Variants in GLYAT observed in about 807,000 individuals in gnomAD.
GLYAT encodes glycine-N-acyltransferase.
Under a neutral mutation model 22.8 loss-of-function variants are expected in GLYAT, and 25 were observed. The ratio of observed to expected loss-of-function variants is 1.09; its 90% CI spans 0.80 to 1.53. GLYAT has a LOEUF of 1.53. Ranked by LOEUF, GLYAT falls within the 40% of genes most tolerant of loss-of-function variation. The pLI is 0.00. For missense variants in GLYAT, 411 were observed against 353.9 expected (o/e 1.16, Z -1.29); for synonymous variants, 140 against 122.7 (o/e 1.14, Z -0.93).
At chr11:58,723,401 T>A (rs1856776454) in intron 2 of GLYAT, among the ~76,000 whole-genome samples, 1 of 152,208 alleles carries the variant, frequency 6.6e-6, no homozygotes, top group South Asian at 2.1e-4. Context: ...TATACTGTGT[T>A]GTTAATAAAT....
chr11:58,721,445 A>G (rs1409779909), intron 2 of GLYAT, among the ~76,000 whole-genome samples: 1 of 151,992 alleles, frequency 6.6e-6, no homozygotes, highest in African/African-American at 2.4e-5. Context: ...TCAGGTGAAA[A>G]CAGAATTCAG....
rs755407444 is a variant in GLYAT at position 58,710,129 on chromosome 11, G to T, written c.528C>A (p.Thr176=). Residue 176 remains threonine (T), a synonymous_variant, in exon 6 of 6, where the codon ACC becomes ACA. Transcript: ENST00000344743. ...EMFKLSSMDV[T]HAHLVNKFWH... is the part of the protein sequence containing the mutation. The stretch of plus-strand genomic sequence containing the variant: ...AGAATTTATTCACCAAGTGAGCATG[G>T]GTAACATCCATGGATGAGAGTTTAA... 5 of 1,614,004 alleles carry T rather than the reference G, an allele frequency of 3.1e-6. No individual in the cohort carries two copies. In the Admixed American group the frequency reaches 8.3e-5, roughly 27 times the overall value.
chr11:58,726,885 T>C (rs557807003), intron 1 of GLYAT, among the ~76,000 whole-genome samples: 11 of 152,176 alleles, frequency 7.2e-5, no homozygotes, highest in African/African-American at 2.4e-4. Flanking sequence ...GAGAGCAATG[T>C]TTATTTGCCC....
At position 58,709,907 on chromosome 11, in the gene GLYAT, G is replaced by A. The variant is rs146653564; in HGVS notation, c.750C>T (p.His250=). The A allele has an allele frequency of 2.1e-4, 345 of 1,614,086 alleles. No homozygotes were observed. Among genetic ancestry groups the A allele is most frequent in the African/African-American group, 1.1e-3 (81 of 75,058 alleles). ...ACCCAAGTTTGCCCAATTTCTGGGC[G>A]TGGGAATAGATGACATACGTCACAA... The part of the protein sequence containing the change: ...HGLVTYVIYS[H]AQKLGKLGFP... The change falls in exon 6 of 6, where the codon CAC becomes CAT. Residue 250 remains histidine, a synonymous_variant. Transcript: ENST00000344743.
rs768245595 is a variant in GLYAT, at chr11:58,710,540, A to G, written c.488+50T>C. ...AGTGAATGCAGGGAGAGAAGTTGGG[A>G]GGTTACTTGAGAGGTGTGAGTGGTA... On this transcript the variant is annotated intron_variant, in intron 5 of 5. Coordinates refer to ENST00000344743, the MANE Select transcript of GLYAT (RefSeq NM_201648.3). 7 of 1,352,890 alleles carry G rather than the reference A, an allele frequency of 5.2e-6. No homozygotes were observed. The Admixed American group carries it at 1.0e-4, about 20-fold the overall frequency. 83.8% of individuals were successfully genotyped at this position (1,352,890 alleles called of 1,614,324 possible).
chr11:58,725,559 A>G (rs1187796587), intron 1 of GLYAT, among the ~76,000 whole-genome samples: 1 of 152,186 alleles, frequency 6.6e-6, no homozygotes, highest in African/African-American at 2.4e-5. Flanking sequence ...GTGCATCTGT[A>G]CAGGTCTGTA....
chr11:58,730,712 A>G (rs1217987568), intron 1 of GLYAT, among the ~76,000 whole-genome samples: 1 of 152,198 alleles, frequency 6.6e-6, no homozygotes, highest in Non-Finnish European at 1.5e-5. Context: ...TAAAGGTTAC[A>G]ATGAGTTATG....
chr11:58,724,987 A>C (rs183127058), intron 1 of GLYAT, among the ~76,000 whole-genome samples: 9 of 152,222 alleles, frequency 5.9e-5, no homozygotes, highest in Admixed American at 2.0e-4. Flanking sequence ...TATATTAAGC[A>C]CTGAACATTT....
intron 2 of GLYAT, among the ~76,000 whole-genome samples, chr11:58,718,688 G>T (rs1212262493): frequency 6.6e-6 from 1 of 151,386 alleles, no homozygotes; most frequent in Non-Finnish European, 1.5e-5. Context: ...TACTTCTGTG[G>T]CACACAGTAT....
chr11:58,710,298 C>G, intron 5 of GLYAT, 130 bp from the exon 6 acceptor site: 1 of 1,403,028 alleles, frequency 7.1e-7, no homozygotes, highest in South Asian at 1.5e-5. Flanking sequence ...TATAGATGAG[C>G]TTGTGATGAA....
intron 4 of GLYAT, among the ~76,000 whole-genome samples, chr11:58,711,275 G>A (rs1032182419): frequency 1.3e-5 from 2 of 152,158 alleles, no homozygotes; most frequent in African/African-American, 2.4e-5. Context: ...GACAAATGCA[G>A]AATGTGAGGC....
Position 58,726,071 on chromosome 11 carries a change from G to T in GLYAT, c.-15-1560C>A, listed in dbSNP as rs57182859. Reference sequence around the variant, plus strand: ...CTGCTGATCACCATTTTCAGGTTTGGTTTTTTTTTGTATTCGGAGACTGAA... The same window carrying T: ...CTGCTGATCACCATTTTCAGGTTTGTTTTTTTTTTGTATTCGGAGACTGAA... On this transcript the variant is annotated intron_variant, in intron 1 of 5. Coordinates refer to ENST00000344743, the MANE Select transcript of GLYAT (RefSeq NM_201648.3). Among the ~76,000 whole-genome samples the T allele has an allele frequency of 8.9e-3, 1,333 of 150,426 alleles. 20 individuals are homozygous for T. Among genetic ancestry groups the T allele is most frequent in the African/African-American group, 0.031 (1,262 of 41,130 alleles).
intron 2 of GLYAT, chr11:58,724,117 T>C (rs1856784856): frequency 4.1e-6 from 1 of 243,620 alleles, no homozygotes; most frequent in Admixed American, 5.6e-5. Context: ...AAGTAATTTT[T>C]TGAGTTAGCA....
intron 1 of GLYAT, chr11:58,728,716 A>G (rs1321259782): frequency 1.3e-5 from 2 of 151,932 alleles, no homozygotes; most frequent in Non-Finnish European, 2.9e-5. Context: ...ACCAGAGCAC[A>G]AGGACTGTCA....
rs1856589743 is a variant in GLYAT at position 58,709,930 on chromosome 11, C to G, written c.727G>C (p.Val243Leu). The G allele has an allele frequency of 6.2e-7, 1 of 1,613,994 alleles. No homozygotes were observed. ...GCGTGGGAATAGATGACATACGTCA[C>G]AAGGCCATGGAGCCGGTATTCCGGC... ...TLPEYRLHGL[V>L]TYVIYSHAQK... The change falls in exon 6 of 6, where the codon GTG (valine) becomes CTG (leucine). Residue 243 changes from valine (V) to leucine (L), a missense_variant. Val to Leu is a conservative substitution (Grantham distance 32). Transcript: ENST00000344743.
chr11:58,710,217 T>C (rs1590665632), intron 5 of GLYAT, 49 bp from the exon 6 acceptor site: 4 of 1,550,226 alleles, frequency 2.6e-6, no homozygotes, highest in Non-Finnish European at 3.5e-6. Context: ...TAAAGGTTTG[T>C]ATTTGCTGTG....
At chr11:58,726,940 A>G (rs767000621) in intron 1 of GLYAT, among the ~76,000 whole-genome samples, 2 of 152,116 alleles carry the variant, frequency 1.3e-5, no homozygotes, top group Non-Finnish European at 2.9e-5. Flanking sequence ...ACTTAGGGCA[A>G]GAACTTGCTA....
chr11:58,710,870 G>T (rs1440145348), intron 4 of GLYAT, 109 bp from the exon 5 acceptor site: 1 of 702,248 alleles, frequency 1.4e-6, no homozygotes, highest in Non-Finnish European at 2.5e-6. Flanking sequence ...TCTTGGTTCT[G>T]GGCTTGGTGC....
intron 2 of GLYAT, among the ~76,000 whole-genome samples, chr11:58,717,433 G>A (rs1433413090): frequency 1.3e-5 from 2 of 151,936 alleles, no homozygotes; most frequent in Non-Finnish European, 2.9e-5. Context: ...GTATGAAAGT[G>A]GCTTATGTAT....
Sources: allele counts gnomAD v4.1 joint callset (sites outside exome capture counted in the v4.1 genomes callset), GRCh38; gene constraint gnomAD v4.1.1; transcripts MANE v1.5; gene names NCBI Gene and HGNC (gene_info 2026-07-23, HGNC 2026-07-21).